The following CLNK variants were observed in gnomAD, a reference collection of about 807,000 sequenced individuals.
The protein encoded by CLNK is cytokine-dependent hematopoietic cell linker.
In CLNK, 74 loss-of-function variants were observed where a neutral mutation model predicts 68.6. The observed-to-expected ratio is 1.08, with a 90% CI of 0.89 to 1.31. The LOEUF is 1.31. CLNK is among the 50% of genes most tolerant of loss of function. The pLI, the probability that CLNK is intolerant of heterozygous loss-of-function variation, is 0.00. For missense variants in CLNK, 553 were observed against 515.3 expected (o/e 1.07, Z -0.71); for synonymous variants, 198 against 172.2 (o/e 1.15, Z -1.17).
intron 2 of CLNK, among the ~76,000 whole-genome samples, chr4:10,636,893 A>G (rs1298812509): frequency 8.5e-5 from 13 of 152,180 alleles, no homozygotes; most frequent in Admixed American, 7.2e-4. Context: ...AGCATCTATC[A>G]TGACAATATA....
At chr4:10,494,495 T>A (rs567216662) in intron 18 of CLNK, among the ~76,000 whole-genome samples, 9 of 151,264 alleles carry the variant, frequency 5.9e-5, no homozygotes, top group Non-Finnish European at 1.3e-4. Flanking sequence ...TCTCACTCTG[T>A]CACCCAGGCT....
At position 10,580,497 on chromosome 4, in the gene CLNK, C is replaced by T. The variant is rs542130170; in HGVS notation, c.112+4430G>A. Among the ~76,000 whole-genome samples the T allele has an allele frequency of 1.6e-4, 25 of 152,234 alleles. 1 individual carries two copies. The highest frequency in any genetic ancestry group is 5.8e-4 in the African/African-American group (24 of 41,538). Reference sequence around the variant, plus strand: ...TATCCTAGTAGATGACAGCTCCATACGTATCATTGCCCCTGAAGACCTTCT... The same window carrying T: ...TATCCTAGTAGATGACAGCTCCATATGTATCATTGCCCCTGAAGACCTTCT... On this transcript the variant is annotated intron_variant, in intron 4 of 18. Transcript: ENST00000226951.
the CLNK span, among the ~76,000 whole-genome samples, chr4:10,711,501 A>T: frequency 6.6e-6 from 1 of 152,360 alleles, no homozygotes; most frequent in East Asian, 1.9e-4. Flanking sequence ...GAGTCTTAGA[A>T]ACACATAGTG....
chr4:10,581,675 T>A (rs1356660441), intron 4 of CLNK, among the ~76,000 whole-genome samples: 1 of 151,818 alleles, frequency 6.6e-6, no homozygotes, highest in Non-Finnish European at 1.5e-5. Flanking sequence ...TTTTTAAATC[T>A]GTGCCTAAAG....
chr4:10,704,117 A>G, the CLNK span, among the ~76,000 whole-genome samples: 1 of 152,140 alleles, frequency 6.6e-6, no homozygotes, highest in Non-Finnish European at 1.5e-5. Context: ...ATTTGCAAGA[A>G]TGGTAAGTAG....
chr4:10,515,435 C>T (rs1717789211), intron 15 of CLNK, among the ~76,000 whole-genome samples: 1 of 151,622 alleles, frequency 6.6e-6, no homozygotes, highest in Non-Finnish European at 1.5e-5. Context: ...TCATTCTCTA[C>T]TTTGGAAACA....
At chr4:10,627,079 T>A (rs1722703674) in intron 2 of CLNK, among the ~76,000 whole-genome samples, 1 of 152,180 alleles carries the variant, frequency 6.6e-6, no homozygotes, top group Admixed American at 6.5e-5. Flanking sequence ...TCCCTTTAAG[T>A]CTTTCCAAAA....
At chr4:10,700,234 A>G in the CLNK span, among the ~76,000 whole-genome samples, 4 of 152,224 alleles carry the variant, frequency 2.6e-5, no homozygotes, top group African/African-American at 7.2e-5. Flanking sequence ...GAAATAGGCT[A>G]CATAGTACAT....
At chr4:10,683,642 A>G (rs75963673) in intron 1 of CLNK, among the ~76,000 whole-genome samples, 6,362 of 152,312 alleles carry the variant, frequency 0.042, 190 homozygotes, top group Middle Eastern at 0.1. Flanking sequence ...AGCTGAAGGT[A>G]AGTAAATGCC....
chr4:10,605,858 AAAAGAAAAGG>A (rs1399059590), intron 2 of CLNK, among the ~76,000 whole-genome samples: 2 of 151,190 alleles, frequency 1.3e-5, no homozygotes, highest in African/African-American at 4.8e-5. Flanking sequence ...AAAAGAAAAG[AAAAGAAAAGG>A]AAGTGGTATA....
At chr4:10,491,274 A>C (rs1716561839) in intron 18 of CLNK, among the ~76,000 whole-genome samples, 1 of 152,226 alleles carries the variant, frequency 6.6e-6, no homozygotes, top group Admixed American at 6.5e-5. Flanking sequence ...CTAAGGACTC[A>C]GATGGGTTAA....
At chr4:10,621,456 G>A (rs114810272) in intron 2 of CLNK, among the ~76,000 whole-genome samples, 205 of 152,266 alleles carry the variant, frequency 1.3e-3, no homozygotes, top group African/African-American at 4.5e-3. Context: ...TTTCCATTTT[G>A]GGGTCCAGTG....
intron 2 of CLNK, among the ~76,000 whole-genome samples, chr4:10,646,953 C>T (rs1723537596): frequency 6.6e-6 from 1 of 152,204 alleles, no homozygotes; most frequent in Non-Finnish European, 1.5e-5. Context: ...GTGTTCAAGA[C>T]AGCCTATCCT....
rs60553390 is a variant in CLNK at position 10,579,395 on chromosome 4, TGA to T, written c.112+5530_112+5531del. 3.5e-3 allele frequency among the ~76,000 whole-genome samples: 531 copies of T among 151,388 alleles called. 2 individuals carry two copies. The highest frequency in any genetic ancestry group is 0.012 in the African/African-American group (511 of 41,248). ...AAGAAAAGAGGAAGGAAGAGGGGAA[TGA>T]GAGAGAGAGAGATAGAGATAGAAAA... On this transcript the variant is annotated intron_variant, in intron 4 of 18. Transcript: ENST00000226951.
chr4:10,626,908 C>G (rs564414862), intron 2 of CLNK, among the ~76,000 whole-genome samples: 1 of 152,096 alleles, frequency 6.6e-6, no homozygotes, highest in South Asian at 2.1e-4. Flanking sequence ...TGTCTCCCTA[C>G]CTCAGTTTCT....
In CLNK at chr4:10,575,673, T is replaced by G. The variant is rs2302171; in HGVS notation, c.113-3895A>C. On this transcript the variant is annotated intron_variant, in intron 4 of 18. Transcript: ENST00000226951. Reference sequence around the variant, plus strand: ...GCGTTGGCTGTGATGGACTCTAGGTTGCCCTACTTGACCTTCTATGCTCTT... The same window carrying G: ...GCGTTGGCTGTGATGGACTCTAGGTGGCCCTACTTGACCTTCTATGCTCTT... Among the ~76,000 whole-genome samples, 101 of 152,358 alleles carry G rather than the reference T, an allele frequency of 6.6e-4. 3 individuals are homozygous for G. The East Asian group carries it at 0.019, about 28-fold the overall frequency.
intron 2 of CLNK, among the ~76,000 whole-genome samples, chr4:10,652,683 T>C (rs1460159233): frequency 6.6e-6 from 1 of 152,208 alleles, no homozygotes; most frequent in East Asian, 1.9e-4. Context: ...ATCATACATG[T>C]ATTTGCAAAT....
intron 7 of CLNK, among the ~76,000 whole-genome samples, chr4:10,562,021 T>A (rs1719907807): frequency 6.6e-6 from 1 of 152,172 alleles, no homozygotes; most frequent in Non-Finnish European, 1.5e-5. Context: ...TGTGGACTGA[T>A]TGCTTTGTGC....
intron 2 of CLNK, among the ~76,000 whole-genome samples, chr4:10,645,100 T>C (rs1220961808): frequency 6.6e-6 from 1 of 152,186 alleles, no homozygotes; most frequent in Non-Finnish European, 1.5e-5. Context: ...GGGTGAATAG[T>C]GAAAATAAAT....
Sources: allele counts gnomAD v4.1 joint callset (sites outside exome capture counted in the v4.1 genomes callset), GRCh38; gene constraint gnomAD v4.1.1; transcripts MANE v1.5; gene names NCBI Gene and HGNC (gene_info 2026-07-23, HGNC 2026-07-21).